Variants in COL14A1 observed in about 807,000 individuals in gnomAD.
COL14A1 encodes the protein collagen type XIV alpha 1 chain.
A neutral mutation model predicts 230.3 loss-of-function variants in COL14A1; 136 were observed. The observed-to-expected ratio is 0.59, with a 90% CI of 0.51 to 0.68. COL14A1 has a LOEUF of 0.68. Among genes scored for constraint, COL14A1 ranks in the 30% least tolerant of loss-of-function variants. COL14A1 has a pLI of 0.00. For missense variants in COL14A1, 1,976 were observed against 2,215.8 expected, an observed-to-expected ratio of 0.89 and a Z score of 2.17; for synonymous variants, 792 against 784.1, an observed-to-expected ratio of 1.01 and a Z score of -0.17.
At chr8:120,187,806 G>A (rs190779364) in intron 5 of COL14A1, among the ~76,000 whole-genome samples, 31 of 152,342 alleles carry the variant, frequency 2.0e-4, no homozygotes, top group African/African-American at 7.0e-4. Context: ...ACTGCTTTAT[G>A]TAACAAGCTT....
chr8:120,231,965 G>T, intron 19 of COL14A1: 1 of 164,718 alleles, frequency 6.1e-6, no homozygotes, highest in Non-Finnish European at 1.3e-5. Flanking sequence ...ATGTATAAAA[G>T]TTTAATATAG....
At chr8:120,179,564 T>C (rs1272280128) in intron 5 of COL14A1, among the ~76,000 whole-genome samples, 1 of 152,172 alleles carries the variant, frequency 6.6e-6, no homozygotes, top group Non-Finnish European at 1.5e-5. Context: ...GGAAAAACAT[T>C]CCATGCTCAT....
At chr8:120,309,597 G>T (rs567516822) in intron 36 of COL14A1, among the ~76,000 whole-genome samples, 2 of 152,072 alleles carry the variant, frequency 1.3e-5, no homozygotes, top group African/African-American at 2.4e-5. Context: ...AAGAAAATCA[G>T]GTTGTTGCTA....
At chr8:120,186,610 G>A (rs1434777031) in intron 5 of COL14A1, among the ~76,000 whole-genome samples, 1 of 152,118 alleles carries the variant, frequency 6.6e-6, no homozygotes, top group African/African-American at 2.4e-5. Context: ...AGGAAGGCAG[G>A]CCACTTTGAT....
intron 40 of COL14A1, among the ~76,000 whole-genome samples, chr8:120,316,459 C>T (rs551412658): frequency 6.6e-6 from 1 of 152,116 alleles, no homozygotes; most frequent in Admixed American, 6.5e-5. Flanking sequence ...GACAGTAGTA[C>T]AATAAAGTAT....
intron 47 of COL14A1, among the ~76,000 whole-genome samples, 154 bp downstream of exon 47, chr8:120,369,639 A>G (rs1823521455): frequency 6.6e-6 from 1 of 152,200 alleles, no homozygotes; most frequent in South Asian, 2.1e-4. Flanking sequence ...ATCCCGAGAC[A>G]TTTTCTATAA....
intron 1 of COL14A1, among the ~76,000 whole-genome samples, chr8:120,144,765 A>G (rs1179357435): frequency 6.6e-6 from 1 of 152,188 alleles, no homozygotes; most frequent in East Asian, 1.9e-4. Context: ...CCATTAATAT[A>G]TAAAATCAAT....
At chr8:120,291,910 A>G (rs561486865) in intron 34 of COL14A1, among the ~76,000 whole-genome samples, 1 of 152,162 alleles carries the variant, frequency 6.6e-6, no homozygotes, top group African/African-American at 2.4e-5. Context: ...GTCTTTGTTT[A>G]AAACCACCCT....
At chr8:120,319,276 C>G (rs1234922776) in intron 40 of COL14A1, among the ~76,000 whole-genome samples, 1 of 152,110 alleles carries the variant, frequency 6.6e-6, no homozygotes, top group African/African-American at 2.4e-5. Context: ...CCCACCTCAG[C>G]CTACCAAGTA....
chr8:120,224,171 T>C (rs1818022640), intron 14 of COL14A1, among the ~76,000 whole-genome samples: 1 of 151,554 alleles, frequency 6.6e-6, no homozygotes, highest in Admixed American at 6.6e-5. Context: ...GGATTGCAGG[T>C]GCGCACCACA....
intron 36 of COL14A1, among the ~76,000 whole-genome samples, chr8:120,303,588 A>G (rs919767496): frequency 2.6e-5 from 4 of 152,200 alleles, no homozygotes; most frequent in East Asian, 1.9e-4. Flanking sequence ...GATGAAGCCT[A>G]CTTGACTGTG....
intron 5 of COL14A1, 33 bp downstream of exon 5, chr8:120,168,280 A>G (rs746975976): frequency 6.6e-7 from 1 of 1,510,162 alleles, no homozygotes; most frequent in South Asian, 1.2e-5. Context: ...TCATATTGGG[A>G]GTTGGGTTGT....
intron 40 of COL14A1, among the ~76,000 whole-genome samples, chr8:120,325,171 A>G (rs916033891): frequency 2.0e-4 from 30 of 152,234 alleles, no homozygotes; most frequent in African/African-American, 7.0e-4. Flanking sequence ...ATAGCCAACC[A>G]TAACTTAATA....
At chr8:120,213,585 A>T (rs1336680481) in intron 13 of COL14A1, among the ~76,000 whole-genome samples, 1 of 152,236 alleles carries the variant, frequency 6.6e-6, no homozygotes, top group Admixed American at 6.5e-5. Context: ...AGAAAGAAAA[A>T]GAAAAGAAAT....
chr8:120,293,278 A>G (rs551594386), intron 34 of COL14A1, among the ~76,000 whole-genome samples: 1 of 152,094 alleles, frequency 6.6e-6, no homozygotes, highest in East Asian at 1.9e-4. Flanking sequence ...TTAGCCACTG[A>G]GTTACAGCTT....
At chr8:120,312,951 T>G (rs1322445404) in intron 37 of COL14A1, among the ~76,000 whole-genome samples, 1 of 152,208 alleles carries the variant, frequency 6.6e-6, no homozygotes, top group Non-Finnish European at 1.5e-5. Flanking sequence ...GGTAGGTTTT[T>G]GGGTCTAATA....
chr8:120,350,305 A>G (rs1342638947), intron 45 of COL14A1, among the ~76,000 whole-genome samples: 3 of 150,634 alleles, frequency 2.0e-5, no homozygotes, highest in South Asian at 4.2e-4. Flanking sequence ...AAGACCATCA[A>G]GACTAGGAAG....
intron 8 of COL14A1, among the ~76,000 whole-genome samples, chr8:120,201,521 A>C (rs1176069987): frequency 6.6e-6 from 1 of 152,200 alleles, no homozygotes; most frequent in Non-Finnish European, 1.5e-5. Flanking sequence ...ACACCCCTGG[A>C]ATTTAAATGG....
At chr8:120,323,472 T>C (rs930238554) in intron 40 of COL14A1, among the ~76,000 whole-genome samples, 1 of 152,198 alleles carries the variant, frequency 6.6e-6, no homozygotes, top group Non-Finnish European at 1.5e-5. Flanking sequence ...TTTGGCATCT[T>C]TGTCATGAAA....
Sources: gnomAD v4.1 joint callset for allele counts (sites outside exome capture counted in the v4.1 genomes callset) on GRCh38, gnomAD v4.1.1 for gene constraint, MANE v1.5 for transcripts, NCBI Gene and HGNC (gene_info 2026-07-23, HGNC 2026-07-21) for gene names.